CLCN6: variants seen among roughly 807,000 people sequenced by gnomAD.
The protein encoded by CLCN6 is H(+)/Cl(-) exchange transporter 6.
CLCN6 carries 70 observed loss-of-function variants against 109.8 expected under a neutral mutation model. That is an observed-to-expected ratio of 0.64 (90% CI 0.53 to 0.78). The LOEUF is 0.78. CLCN6 is among the 30% of genes least tolerant of loss of function. CLCN6 has a pLI of 0.00. For synonymous variants in CLCN6, 444 were observed against 447.8 expected, an observed-to-expected ratio of 0.99 and a Z score of 0.11; for missense variants, 984 against 1,142.3, an observed-to-expected ratio of 0.86 and a Z score of 2.00.
At chr1:11,828,066 C>T in intron 10 of CLCN6, 40 bp from the exon 11 acceptor site, 1 of 1,456,984 alleles carries the variant, frequency 6.9e-7, no homozygotes, top group Non-Finnish European at 9.6e-7. Flanking sequence ...TAGGACATGC[C>T]ACTCCTGAAC....
At chr1:11,813,928 G>C (rs17376286) in intron 2 of CLCN6, among the ~76,000 whole-genome samples, 15,048 of 151,920 alleles carry the variant, frequency 0.099, 797 homozygotes, top group South Asian at 0.16. Flanking sequence ...AATTTTTGGA[G>C]ATTTTCCATA....
At position 11,836,007 on chromosome 1, in the gene CLCN6, G is replaced by A. The variant is rs1644939243; in HGVS notation, c.1834G>A (p.Val612Ile). 7 of 1,613,840 alleles carry A rather than the reference G, an allele frequency of 4.3e-6. No homozygotes were observed. The highest frequency in any genetic ancestry group is 2.2e-5 in the East Asian group (1 of 44,852). ...SDIMEPNLTY[V>I]YPHTRIQSLV... ...CATCATGGAGCCCAACCTGACCTAC[G>A]TCTACCCGCACACCCGCATCCAGTC... is the stretch of plus-strand genomic sequence containing the variant. The change falls in exon 18 of 23, where the codon GTC (valine) becomes ATC (isoleucine). Residue 612 changes from valine to isoleucine, a missense_variant. Transcript: ENST00000346436.
At chr1:11,810,630 C>T (rs1010639228) in intron 2 of CLCN6, among the ~76,000 whole-genome samples, 2 of 152,140 alleles carry the variant, frequency 1.3e-5, no homozygotes, top group African/African-American at 2.4e-5. Flanking sequence ...AGTTGTTAGT[C>T]CCCTAAACCA....
intron 22 of CLCN6, chr1:11,838,970 C>T (rs879068684): frequency 4.4e-5 from 31 of 700,036 alleles, no homozygotes; most frequent in South Asian, 3.1e-4. Flanking sequence ...TCTCCACCTG[C>T]GTAGGGATTT....
At chr1:11,820,489 G>A (rs570327191) in intron 5 of CLCN6, 64 of 660,604 alleles carry the variant, frequency 9.7e-5, no homozygotes, top group Admixed American at 9.0e-4. Flanking sequence ...CAATGGGGCC[G>A]GACACAGTGG....
intron 14 of CLCN6, 73 bp from the exon 15 acceptor site, chr1:11,833,804 G>A: frequency 1.3e-6 from 2 of 1,566,274 alleles, no homozygotes; most frequent in Non-Finnish European, 1.7e-6. Context: ...ATGGGGTGTG[G>A]TCGGGCCCGG....
chr1:11,840,036 C>T (rs1644999209), intron 22 of CLCN6, 107 bp from the exon 23 acceptor site: 1 of 901,424 alleles, frequency 1.1e-6, no homozygotes, highest in Non-Finnish European at 1.9e-6. Flanking sequence ...TGTGCACTAT[C>T]CAGGCCTCCA....
At chr1:11,830,794 A>C (rs1335104115) in intron 13 of CLCN6, among the ~76,000 whole-genome samples, 1 of 135,098 alleles carries the variant, frequency 7.4e-6, no homozygotes, top group Non-Finnish European at 1.5e-5. Context: ...ACACACACAC[A>C]CACACACACA....
intron 9 of CLCN6, 142 bp downstream of exon 9, chr1:11,826,356 C>T (rs1245690320): frequency 2.9e-6 from 2 of 683,476 alleles, no homozygotes; most frequent in Non-Finnish European, 5.1e-6. Flanking sequence ...TTGAACTTTT[C>T]TTCTGGAAAT....
intron 12 of CLCN6, 91 bp downstream of exon 12, chr1:11,828,715 C>G (rs1362671881): frequency 7.5e-7 from 1 of 1,329,250 alleles, no homozygotes; most frequent in Non-Finnish European, 1.0e-6. Flanking sequence ...CGGACCCTGC[C>G]TCCACGGCTT....
At chr1:11,825,072 A>T (rs1644795118) in intron 8 of CLCN6, among the ~76,000 whole-genome samples, 1 of 152,172 alleles carries the variant, frequency 6.6e-6, no homozygotes, top group Non-Finnish European at 1.5e-5. Flanking sequence ...AGATGGGGAA[A>T]CTGAGGCTTA....
At chr1:11,832,948 G>A (rs1217627432) in intron 13 of CLCN6, among the ~76,000 whole-genome samples, 1 of 151,704 alleles carries the variant, frequency 6.6e-6, no homozygotes, top group African/African-American at 2.4e-5. Context: ...TAGAAGGAGA[G>A]GCAGCCTGGA....
chr1:11,816,019 C>A (rs1644665478), intron 3 of CLCN6, 108 bp downstream of exon 3: 5 of 825,804 alleles, frequency 6.1e-6, no homozygotes, highest in Non-Finnish European at 1.0e-5. Context: ...TTTTTTGAAC[C>A]TTTTCATGCG....
At position 11,842,340 on chromosome 1, in the gene CLCN6, C is replaced by T. The variant is rs1645035325; in HGVS notation, c.*2117C>T. 1 of 152,688 alleles carries T rather than the reference C, an allele frequency of 6.5e-6. No homozygotes were observed. Among genetic ancestry groups the T allele is most frequent in the South Asian group, 2.1e-4 (1 of 4,828 alleles). The allele number at this position is 152,688 out of a possible 1,614,324, so 9.5% of individuals were successfully genotyped here. A position where few individuals can be genotyped will look rare whatever the true frequency, so the allele number is the denominator to read the frequency against. ...TAGACAGTAGAATGCAAATACCTCC[C>T]TCCCCTAAACTGACTGGACGGCTGC... On this transcript the variant is annotated 3_prime_UTR_variant, in exon 23 of 23. Coordinates refer to ENST00000346436, the MANE Select transcript of CLCN6 (RefSeq NM_001286.5).
In CLCN6 at chr1:11,819,346, T is replaced by G. The variant is rs79510398; in HGVS notation, c.280-142T>G. 529 of 743,868 alleles carry G rather than the reference T, an allele frequency of 7.1e-4. 1 individual carries two copies. In the African/African-American group the frequency reaches 8.3e-3, roughly 12 times the overall value. 46.1% of individuals were successfully genotyped at this position (743,868 alleles called of 1,614,324 possible). A position where few individuals can be genotyped will look rare whatever the true frequency, so the allele number is the denominator to read the frequency against. On this transcript the variant is annotated intron_variant, in intron 4 of 22. Coordinates refer to ENST00000346436, the MANE Select transcript of CLCN6 (RefSeq NM_001286.5). Reference sequence around the variant, plus strand: ...ATCTCCTCCTTCTGCGCTTTTCTGCTGTGCATTCACGTACTGCTGGCTGGT... The same window carrying G: ...ATCTCCTCCTTCTGCGCTTTTCTGCGGTGCATTCACGTACTGCTGGCTGGT...
At chr1:11,808,921 C>G (rs1250488007) in intron 2 of CLCN6, among the ~76,000 whole-genome samples, 1 of 151,738 alleles carries the variant, frequency 6.6e-6, no homozygotes, top group Non-Finnish European at 1.5e-5. Flanking sequence ...TGCAATGGCT[C>G]GATCTCAGCT....
At chr1:11,835,198 C>T (rs914577568) in intron 17 of CLCN6, among the ~76,000 whole-genome samples, 7 of 152,200 alleles carry the variant, frequency 4.6e-5, no homozygotes, top group East Asian at 3.8e-4. Flanking sequence ...GTAAGCGTGA[C>T]GGACTTGATC....
At position 11,815,919 on chromosome 1, in the gene CLCN6, TTACAATTCTTCATC is replaced by T; in HGVS notation, c.213+10_213+23del. The T allele has an allele frequency of 6.3e-7, 1 of 1,599,690 alleles. No individual in the cohort carries two copies. The highest frequency in any genetic ancestry group is 8.6e-7 in the Non-Finnish European group (1 of 1,166,848). ...GAGACCATGGATAATAAGGTGGGTC[TTACAATTCTTCATC>T]TCTGGGGATCAAATCAGTCTTAACA... On this transcript the variant is annotated intron_variant, in intron 3 of 22. Transcript: ENST00000346436.
intron 13 of CLCN6, among the ~76,000 whole-genome samples, chr1:11,829,625 GGAACAACCC>G: frequency 7.2e-6 from 1 of 139,554 alleles, no homozygotes; most frequent in African/African-American, 2.7e-5. Context: ...GGGGAACCTG[GGAACAACCC>G]TGGCGTCACA....
Sources: gnomAD v4.1 joint callset for allele counts (sites outside exome capture counted in the v4.1 genomes callset) on GRCh38, gnomAD v4.1.1 for gene constraint, MANE v1.5 for transcripts, NCBI Gene and HGNC (gene_info 2026-07-23, HGNC 2026-07-21) for gene names.